Variants in PPP2R3B observed in about 807,000 individuals in gnomAD.
PPP2R3B encodes the protein protein phosphatase 2 regulatory subunit B''beta.
A neutral mutation model predicts 72.9 loss-of-function variants in PPP2R3B; 68 were observed. That is an observed-to-expected ratio of 0.93 (90% confidence interval 0.77 to 1.14). PPP2R3B has a LOEUF of 1.14. Ranked by LOEUF, PPP2R3B falls within the 50% of genes most tolerant of loss-of-function variation. The pLI, the probability that PPP2R3B is intolerant of heterozygous loss-of-function variation, is 0.00. For missense variants in PPP2R3B, 1,018 were observed against 842.0 expected (o/e 1.21, Z -2.59); for synonymous variants, 466 against 375.8 (o/e 1.24, Z -2.78).
chrX:334,878 CCA>C lies in PPP2R3B; in HGVS notation c.1578-363_1578-362del, dbSNP rs1160093340. On this transcript the variant is annotated intron_variant, in intron 12 of 12. Transcript: ENST00000390665. ...ACACAGGACTGGAGAACAAACAGGA[CCA>C]CAGTTTAGACACATTCTCCCAAAGC... The C allele has an allele frequency of 1.1e-4, 26 of 235,828 alleles. No homozygotes were observed. The East Asian group carries it at 2.0e-3, about 18-fold the overall frequency. The allele number at this position is 235,828 out of a possible 1,614,324, so 14.6% of individuals were successfully genotyped here. A position where few individuals can be genotyped will look rare whatever the true frequency, so the allele number is the denominator to read the frequency against.
rs745894197 is a variant in PPP2R3B, at chrX:338,574, T to TCCTCCCACTGACCCGTC, written c.1577+29_1577+30insGACGGGTCAGTGGGAGG. On this transcript the variant is annotated intron_variant, in intron 12 of 12. Transcript: ENST00000390665. Reference sequence around the variant, plus strand: ...ACTCACCCGTCCTCCCACTGACCCGTCCCCCCACTCACCCGTCCTCCCCAC... The same window carrying TCCTCCCACTGACCCGTC: ...ACTCACCCGTCCTCCCACTGACCCGTCCTCCCACTGACCCGTCCCCCCCACTCACCCGTCCTCCCCAC... 35 of 1,445,820 alleles carry TCCTCCCACTGACCCGTC rather than the reference T, an allele frequency of 2.4e-5. 1 individual carries two copies. The South Asian group carries it at 4.3e-4, about 18-fold the overall frequency. The allele number at this position is 1,445,820 out of a possible 1,614,324, so 89.6% of individuals were successfully genotyped here.
In PPP2R3B at chrX:345,350, G is replaced by A. The variant is rs770505120; in HGVS notation, c.1036+166C>T. On this transcript the variant is annotated intron_variant, in intron 7 of 12. Transcript: ENST00000390665. ...GGACCCAGACACGGGGCAGCGACTG[G>A]GGAAGGAGAGGCAGCTGCAGACACA... 6.9e-5 allele frequency: 69 copies of A among 992,806 alleles called. No homozygotes were observed. In the Middle Eastern group the frequency reaches 7.1e-4, roughly 10 times the overall value. 61.5% of individuals were successfully genotyped at this position (992,806 alleles called of 1,614,324 possible).
At chrX:356,702 G>A (rs2071440033) in intron 2 of PPP2R3B, among the ~76,000 whole-genome samples, 1 of 152,186 alleles carries the variant, frequency 6.6e-6, no homozygotes, top group Non-Finnish European at 1.5e-5. Context: ...TATCAACCCT[G>A]GAACAGGGGA....
rs748763963 is a variant in PPP2R3B, at chrX:338,863, T to C, written c.1385A>G (p.Lys462Arg). The C allele has an allele frequency of 1.2e-6, 2 of 1,612,318 alleles. No homozygotes were observed. The highest frequency in any genetic ancestry group is 2.7e-5 in the African/African-American group (2 of 74,932). Reference sequence around the variant, plus strand: ...GGTGTCGAAGAAGACGTTAGCCAGCTTGCAGCGCTTCAGGTCCTGCAGCGT... The same window carrying C: ...GGTGTCGAAGAAGACGTTAGCCAGCCTGCAGCGCTTCAGGTCCTGCAGCGT... ...KITLQDLKRC[K>R]LANVFFDTFF... The change falls in exon 11 of 13, where the codon AAG becomes AGG. Residue 462 changes from lysine (K) to arginine (R), a missense_variant. Lys to Arg is a conservative substitution (Grantham distance 26). Transcript: ENST00000390665.
intron 2 of PPP2R3B, among the ~76,000 whole-genome samples, chrX:355,195 C>T (rs2071412248): frequency 6.6e-6 from 1 of 152,170 alleles, no homozygotes; most frequent in Admixed American, 6.5e-5. Flanking sequence ...ACATATAAAA[C>T]CTAACAGTGC....
intron 2 of PPP2R3B, among the ~76,000 whole-genome samples, chrX:359,441 C>CA (rs2071499384): frequency 6.6e-6 from 1 of 152,194 alleles, no homozygotes; most frequent in Non-Finnish European, 1.5e-5. Flanking sequence ...AGAGATGAAA[C>CA]AATTCTTAAT....
intron 10 of PPP2R3B, among the ~76,000 whole-genome samples, chrX:340,316 G>A (rs868719427): frequency 1.3e-5 from 2 of 151,010 alleles, no homozygotes; most frequent in South Asian, 2.1e-4. Context: ...GGTTCTCTAG[G>A]TCACCCCTCG....
intron 8 of PPP2R3B, 121 bp from the exon 9 acceptor site, chrX:341,517 C>CCCCTCCTGCCT: frequency 3.1e-6 from 3 of 959,440 alleles, no homozygotes. Context: ...TCCTCCTGCC[C>CCCCTCCTGCCT]CCCTCCTGCC....
At chrX:373,337 G>C (rs747452602) in intron 1 of PPP2R3B, among the ~76,000 whole-genome samples, 1 of 152,196 alleles carries the variant, frequency 6.6e-6, no homozygotes, top group Non-Finnish European at 1.5e-5. Context: ...CCCGGTTTTC[G>C]GCGGCGTGCG....
chrX:375,117 C>G (rs2071960926), intron 1 of PPP2R3B, among the ~76,000 whole-genome samples: 1 of 152,120 alleles, frequency 6.6e-6, no homozygotes, highest in African/African-American at 2.4e-5. Flanking sequence ...CCACTTCCTT[C>G]TCTTCCACCT....
At chrX:364,591 G>A (rs1411971743) in intron 1 of PPP2R3B, among the ~76,000 whole-genome samples, 1 of 148,840 alleles carries the variant, frequency 6.7e-6, no homozygotes, top group Admixed American at 6.7e-5. Context: ...GGTGGAGGGT[G>A]CCTGTACTCC....
chrX:372,600 C>G (rs1299443771), intron 1 of PPP2R3B, among the ~76,000 whole-genome samples: 1 of 152,212 alleles, frequency 6.6e-6, no homozygotes, highest in African/African-American at 2.4e-5. Context: ...AAAACTAACT[C>G]ATACAATATA....
chrX:361,691 G>A (rs1483369923), intron 1 of PPP2R3B, 101 bp from the exon 2 acceptor site: 2 of 1,391,874 alleles, frequency 1.4e-6, no homozygotes, highest in South Asian at 1.3e-5. Context: ...ACAGTGCTGA[G>A]GCCACCTGAT....
At chrX:345,761 G>A in intron 6 of PPP2R3B, 89 bp from the exon 7 acceptor site, 1 of 1,433,116 alleles carries the variant, frequency 7.0e-7, no homozygotes, top group African/African-American at 1.4e-5. Context: ...GGAAGGCTGG[G>A]AGGGTCGGGG....
chrX:376,357 C>T (rs1431442436), intron 1 of PPP2R3B, among the ~76,000 whole-genome samples: 4 of 152,190 alleles, frequency 2.6e-5, no homozygotes, highest in African/African-American at 9.7e-5. Flanking sequence ...GCAGAACCCG[C>T]ACCACCCGCC....
At chrX:361,088 A>G (rs1032448891) in intron 2 of PPP2R3B, among the ~76,000 whole-genome samples, 4 of 151,934 alleles carry the variant, frequency 2.6e-5, no homozygotes, top group African/African-American at 9.7e-5. Flanking sequence ...CTGGCCCCGG[A>G]GGGGAGAGAA....
intron 5 of PPP2R3B, 52 bp downstream of exon 5, chrX:346,649 G>A (rs2071221687): frequency 6.5e-7 from 1 of 1,541,566 alleles, no homozygotes; most frequent in Non-Finnish European, 8.9e-7. Context: ...GGCCGCTGCA[G>A]AAACACCCGC....
chrX:375,937 T>G (rs760113219), intron 1 of PPP2R3B, among the ~76,000 whole-genome samples: 1 of 151,924 alleles, frequency 6.6e-6, no homozygotes, highest in East Asian at 1.9e-4. Context: ...CTCATGCCTG[T>G]AATCCCAGCA....
intron 2 of PPP2R3B, 83 bp downstream of exon 2, chrX:361,322 G>T: frequency 2.0e-6 from 3 of 1,492,122 alleles, no homozygotes; most frequent in Non-Finnish European, 2.8e-6. Flanking sequence ...CGTGTGACAC[G>T]CACCCACCAC....
Sources: allele counts gnomAD v4.1 joint callset (sites outside exome capture counted in the v4.1 genomes callset), GRCh38; gene constraint gnomAD v4.1.1; transcripts MANE v1.5; gene names NCBI Gene and HGNC (gene_info 2026-07-23, HGNC 2026-07-21).